The following OTULINL variants were observed in gnomAD, a reference collection of about 807,000 sequenced individuals.
OTULINL encodes OTU deubiquitinase with linear linkage specificity like.
In OTULINL, 42 loss-of-function variants were observed where a neutral mutation model predicts 43.9. That is an observed-to-expected ratio of 0.96 (90% CI 0.75 to 1.24). The LOEUF (loss-of-function observed/expected upper bound fraction) is 1.24, where lower values mean the gene tolerates loss of function less well. Among genes scored for constraint, OTULINL ranks in the 50% most tolerant of loss-of-function variants. The pLI, the probability that OTULINL is intolerant of heterozygous loss-of-function variation, is 0.00. For missense variants in OTULINL, 411 were observed against 426.4 expected, an observed-to-expected ratio of 0.96 and a Z score of 0.32; for synonymous variants, 172 against 153.6, an observed-to-expected ratio of 1.12 and a Z score of -0.88.
rs1759523925 is a variant in OTULINL at position 14,608,829 on chromosome 5, T to C, written c.709T>C (p.Tyr237His). The stretch of plus-strand genomic sequence containing the variant: ...CCTTTTTTCAGATGCCATTCTGGAA[T>C]ATAAACTTTATGAAGCTTTAAAGTT... ...NTLFSDAILE[Y>H]KLYEALKFIM... Residue 237 changes from tyrosine to histidine, a missense_variant, in exon 7 of 8, where the codon TAT becomes CAT. Physicochemically the swap from Tyr to His is moderately conservative, Grantham distance 83 (BLOSUM62 2). Transcript: ENST00000274217. The C allele has an allele frequency of 1.9e-6, 3 of 1,613,792 alleles. No homozygotes were observed. The highest frequency in any genetic ancestry group is 1.7e-5 in the Admixed American group (1 of 60,006).
intron 1 of OTULINL, among the ~76,000 whole-genome samples, chr5:14,590,177 G>C (rs976263836): frequency 1.3e-5 from 2 of 152,142 alleles, no homozygotes; most frequent in African/African-American, 4.8e-5. Context: ...AAATTGATTG[G>C]CATCTGATGA....
In OTULINL at chr5:14,581,848, T is replaced by G. The variant is rs894220817; in HGVS notation, c.-47T>G. On this transcript the variant is annotated 5_prime_UTR_variant, in exon 1 of 8. Coordinates refer to ENST00000274217, the MANE Select transcript of OTULINL (RefSeq NM_019018.3). The stretch of plus-strand genomic sequence containing the variant: ...GCGGCCGTCGCGTCTGACAGACCAC[T>G]GCAGACCACGGGCCGAGGCCCAGCG... 29 of 1,368,760 alleles carry G rather than the reference T, an allele frequency of 2.1e-5. No homozygotes were observed. Among genetic ancestry groups the G allele is most frequent in the Non-Finnish European group, 2.7e-5 (29 of 1,060,786 alleles). The allele number at this position is 1,368,760 out of a possible 1,614,324, so 84.8% of individuals were successfully genotyped here.
At position 14,615,307 on chromosome 5, in the gene OTULINL, G is replaced by A. The variant is rs116755753; in HGVS notation, c.*4993G>A. Among the ~76,000 whole-genome samples, 75 of 152,318 alleles carry A rather than the reference G, an allele frequency of 4.9e-4. No individual in the cohort carries two copies. The highest frequency in any genetic ancestry group is 1.8e-3 in the African/African-American group (75 of 41,556). On this transcript the variant is annotated 3_prime_UTR_variant, in exon 8 of 8. Coordinates refer to ENST00000274217, the MANE Select transcript of OTULINL (RefSeq NM_019018.3). ...AGACAGACTCTGGGAAACAACTTGG[G>A]AACTGCTTCAAGTCCATGCCAGGTC...
chr5:14,605,414 G>A (rs932043928), intron 5 of OTULINL, among the ~76,000 whole-genome samples: 16 of 150,874 alleles, frequency 1.1e-4, no homozygotes, highest in South Asian at 4.2e-4. Flanking sequence ...GTGGGGGGGC[G>A]TGGTGCGGGT....
intron 1 of OTULINL, among the ~76,000 whole-genome samples, chr5:14,589,544 G>A (rs1480260111): frequency 6.6e-6 from 1 of 152,212 alleles, no homozygotes; most frequent in African/African-American, 2.4e-5. Flanking sequence ...TGAGAGATGT[G>A]CCAGTATGTG....
chr5:14,588,395 C>T (rs1278758862), intron 1 of OTULINL, among the ~76,000 whole-genome samples: 1 of 152,110 alleles, frequency 6.6e-6, no homozygotes, highest in Non-Finnish European at 1.5e-5. Flanking sequence ...GTTCCCTCCT[C>T]ATTTCACTAC....
chr5:14,601,484 C>T (rs1759389179), intron 4 of OTULINL, 42 bp downstream of exon 4: 4 of 1,529,564 alleles, frequency 2.6e-6, no homozygotes, highest in Non-Finnish European at 3.6e-6. Context: ...TAGAGTTTGT[C>T]TGTCAAAATC....
intron 1 of OTULINL, among the ~76,000 whole-genome samples, chr5:14,583,954 G>C (rs1759062416): frequency 6.6e-6 from 1 of 152,084 alleles, no homozygotes; most frequent in Admixed American, 6.5e-5. Flanking sequence ...TTAGGATATT[G>C]AAAATCATGG....
chr5:14,582,376 C>G (rs1759020729), intron 1 of OTULINL, among the ~76,000 whole-genome samples: 1 of 152,086 alleles, frequency 6.6e-6, no homozygotes, highest in Non-Finnish European at 1.5e-5. Flanking sequence ...CCCGTGTCCT[C>G]TCGGGGAGCT....
At chr5:14,584,655 T>C (rs1473595941) in intron 1 of OTULINL, among the ~76,000 whole-genome samples, 1 of 152,218 alleles carries the variant, frequency 6.6e-6, no homozygotes, top group Admixed American at 6.5e-5. Flanking sequence ...ACTACTATTA[T>C]TAATATTACC....
chr5:14,584,907 A>G (rs1759078466), intron 1 of OTULINL, among the ~76,000 whole-genome samples: 4 of 152,196 alleles, frequency 2.6e-5, no homozygotes. Context: ...GTGGCAGGTA[A>G]TCACTAGGCA....
intron 1 of OTULINL, 67 bp downstream of exon 1, chr5:14,582,025 G>A (rs962773321): frequency 1.8e-6 from 2 of 1,127,426 alleles, no homozygotes; most frequent in South Asian, 3.8e-5. Context: ...GGGCGGGGTC[G>A]CAGGCAGCCA....
At position 14,605,598 on chromosome 5, in the gene OTULINL, C is replaced by T. The variant is rs182927146; in HGVS notation, c.499-1732C>T. On this transcript the variant is annotated intron_variant, in intron 5 of 7. Coordinates refer to ENST00000274217, the MANE Select transcript of OTULINL (RefSeq NM_019018.3). ...AGGCTGCACATTTTCTGAACTTTTA[C>T]GCTCTCTCTTTCAAAACTGAATGCC... is the stretch of plus-strand genomic sequence containing the variant. Among the ~76,000 whole-genome samples the T allele has an allele frequency of 3.7e-3, 562 of 152,210 alleles. 1 individual carries two copies. The highest frequency in any genetic ancestry group is 6.2e-3 in the Non-Finnish European group (421 of 68,006).
chr5:14,583,706 C>T (rs1759057481), intron 1 of OTULINL, among the ~76,000 whole-genome samples: 1 of 152,186 alleles, frequency 6.6e-6, no homozygotes, highest in South Asian at 2.1e-4. Flanking sequence ...TTCTCCAAAA[C>T]ATAACTTCTG....
At chr5:14,594,386 A>G (rs1363524082) in intron 1 of OTULINL, among the ~76,000 whole-genome samples, 1 of 152,224 alleles carries the variant, frequency 6.6e-6, no homozygotes, top group Non-Finnish European at 1.5e-5. Flanking sequence ...TCAGAATTAA[A>G]CAATCAGTTC....
intron 1 of OTULINL, among the ~76,000 whole-genome samples, chr5:14,585,098 T>C (rs1488653106): frequency 6.6e-6 from 1 of 152,090 alleles, no homozygotes; most frequent in African/African-American, 2.4e-5. Context: ...CTAGAACAAG[T>C]GCCTTCAAGG....
At chr5:14,594,938 T>A (rs1759261243) in intron 1 of OTULINL, among the ~76,000 whole-genome samples, 1 of 151,994 alleles carries the variant, frequency 6.6e-6, no homozygotes, top group South Asian at 2.1e-4. Flanking sequence ...CAGCCTCTCT[T>A]CACCACTCTC....
chr5:14,606,660 G>C (rs1257754574), intron 5 of OTULINL, among the ~76,000 whole-genome samples: 3 of 152,210 alleles, frequency 2.0e-5, no homozygotes, highest in Non-Finnish European at 4.4e-5. Flanking sequence ...ACAGCCAGGT[G>C]TGAGCCACAG....
intron 1 of OTULINL, among the ~76,000 whole-genome samples, chr5:14,582,850 A>G (rs375866547): frequency 6.7e-6 from 1 of 148,444 alleles, no homozygotes; most frequent in Non-Finnish European, 1.5e-5. Flanking sequence ...TCACCCGACA[A>G]GGGCAGCAGC....
Sources: allele counts gnomAD v4.1 joint callset (sites outside exome capture counted in the v4.1 genomes callset), GRCh38; gene constraint gnomAD v4.1.1; transcripts MANE v1.5; gene names NCBI Gene and HGNC (gene_info 2026-07-23, HGNC 2026-07-21).